Variants in CSPG4 observed in about 807,000 individuals in gnomAD.
The protein encoded by CSPG4 is chondroitin sulfate proteoglycan 4 (melanoma-associated).
Under a neutral mutation model 139.3 loss-of-function variants are expected in CSPG4, and 74 were observed. That is an observed-to-expected ratio of 0.53 (90% CI 0.44 to 0.64). The LOEUF is 0.64. Among genes scored for constraint, CSPG4 ranks in the 30% least tolerant of loss-of-function variants. CSPG4 has a pLI of 0.00. For missense variants in CSPG4, 2,565 were observed against 3,148.3 expected (o/e 0.81, Z 4.43); for synonymous variants, 1,234 against 1,394.2 (o/e 0.89, Z 2.56).
At chr15:75,710,734 C>T (rs1045075976) in intron 1 of CSPG4, among the ~76,000 whole-genome samples, 2 of 152,154 alleles carry the variant, frequency 1.3e-5, no homozygotes, top group African/African-American at 4.8e-5. Flanking sequence ...GGGAGGGACG[C>T]CTTCCTCAGG....
Position 75,698,019 on chromosome 15 carries a change from G to A in CSPG4, c.89-4786C>T, listed in dbSNP as rs967499735. On this transcript the variant is annotated intron_variant, in intron 1 of 9. Coordinates refer to ENST00000308508, the MANE Select transcript of CSPG4 (RefSeq NM_001897.5). The surrounding 1 kb of genome is among the most constrained non-coding windows in gnomAD (Gnocchi z 4.3). ...CAGACCAAGGCCTGAGGAAGGAGAC[G>A]GAGGAGGAAAACTCGAGGGAGACAG... is the stretch of plus-strand genomic sequence containing the variant. 2.0e-5 allele frequency among the ~76,000 whole-genome samples: 3 copies of A among 152,124 alleles called. No individual in the cohort carries two copies. Among genetic ancestry groups the A allele is most frequent in the East Asian group, 1.9e-4 (1 of 5,180 alleles).
chr15:75,685,523 G>A lies in CSPG4; in HGVS notation c.3968C>T (p.Ser1323Phe). 1.2e-6 allele frequency: 2 copies of A among 1,608,050 alleles called. No homozygotes were observed. Among genetic ancestry groups the A allele is most frequent in the South Asian group, 2.2e-5 (2 of 90,388 alleles). Residue 1323 changes from serine to phenylalanine, a missense_variant, in exon 4 of 10, where the codon TCC becomes TTC. Coordinates refer to ENST00000308508, the MANE Select transcript of CSPG4 (RefSeq NM_001897.5). Reference sequence around the variant, plus strand: ...GGCATCGCTCCAGGCCTCAGGGCGGGAGTGCAGGTACAGGACCCTGCCTGT... The same window carrying A: ...GGCATCGCTCCAGGCCTCAGGGCGGAAGTGCAGGTACAGGACCCTGCCTGT... ...VDTGRVLYLH[S>F]RPEAWSDAFS...
chr15:75,686,956 C>T (rs1894068198), intron 3 of CSPG4, among the ~76,000 whole-genome samples: 1 of 152,092 alleles, frequency 6.6e-6, no homozygotes, highest in South Asian at 2.1e-4. Context: ...GAACTGACTG[C>T]AATGGAGATT....
Position 75,690,674 on chromosome 15 carries a change from C to A in CSPG4, c.391G>T (p.Ala131Ser). ...GGGGCTCCTGGGACTGCTGAGGAGG[C>A]GTTCAGAAACCCATCGACTGACAAC... is the stretch of plus-strand genomic sequence containing the variant. ...ATLSVDGFLNASSAVPGAPLE... is the reference protein window; with the variant it reads ...ATLSVDGFLNSSSAVPGAPLE... Residue 131 changes from alanine to serine, a missense_variant, in exon 3 of 10, where the codon GCC (alanine) becomes TCC (serine). Transcript: ENST00000308508. 6.2e-7 allele frequency: 1 copy of A among 1,612,684 alleles called. No individual in the cohort carries two copies.
Position 75,675,765 on chromosome 15 carries a change from T to G in CSPG4, c.6754A>C (p.Thr2252Pro). The change falls in exon 10 of 10, where the codon ACG becomes CCG. Residue 2252 changes from threonine (T) to proline (P), a missense_variant. By Grantham distance (38) the Thr-to-Pro change is conservative. Transcript: ENST00000308508. ...LLFYLRKRNK[T>P]GKHDVQVLTA... ...AGGACCTGGACGTCATGCTTGCCCG[T>G]CTTGTTGCGTTTTCGGAGGTAGAAG... is the stretch of plus-strand genomic sequence containing the variant. 1 of 1,612,608 alleles carries G rather than the reference T, an allele frequency of 6.2e-7. No homozygotes were observed. Among genetic ancestry groups the G allele is most frequent in the Non-Finnish European group, 8.5e-7 (1 of 1,179,196 alleles).
In CSPG4 at chr15:75,682,338, C is replaced by T. The variant is rs145039359; in HGVS notation, c.4905G>A (p.Gln1635=). The change falls in exon 8 of 10, where the codon CAG becomes CAA. Residue 1635 remains glutamine, a synonymous_variant. Coordinates refer to ENST00000308508, the MANE Select transcript of CSPG4 (RefSeq NM_001897.5). ...GPQLGRLFHA[Q]QDSTGEALVN... ...CCAGGGCCTCCCCTGTGCTGTCCTG[C>T]TGGGCGTGGAACAGCCGGCCTAGCT... 4 of 1,596,646 alleles carry T rather than the reference C, an allele frequency of 2.5e-6. No individual in the cohort carries two copies. The highest frequency in any genetic ancestry group is 3.4e-6 in the Non-Finnish European group (4 of 1,179,950).
At chr15:75,677,932 TTG>T (rs778787391) in intron 8 of CSPG4, 46 bp from the exon 9 acceptor site, 1 of 1,538,416 alleles carries the variant, frequency 6.5e-7, no homozygotes, top group South Asian at 1.2e-5. Flanking sequence ...CCAGCCTGTG[TTG>T]TCCAGACACT....
rs781364010 is a variant in CSPG4, at chr15:75,682,677, G to T, written c.4713C>A (p.Phe1571Leu). The T allele has an allele frequency of 6.8e-6, 11 of 1,613,124 alleles. No homozygotes were observed. Among genetic ancestry groups the T allele is most frequent in the Non-Finnish European group, 9.3e-6 (11 of 1,180,024 alleles). Residue 1571 changes from phenylalanine to leucine, a missense_variant, in exon 7 of 10, where the codon TTC becomes TTA. This residue lies in a region of CSPG4 where 2,316 missense variants were observed against 2,818.2 expected (regional missense o/e 0.82). Transcript: ENST00000308508. Reference sequence around the variant, plus strand: ...CTTGCTTCTGGGCCGTCACTCGGAAGAAGTGTCCGGGGGAAGTGTGCTCGC... The same window carrying T: ...CTTGCTTCTGGGCCGTCACTCGGAATAAGTGTCCGGGGGAAGTGTGCTCGC... ...SDGEHTSPGH[F>L]FRVTAQKQVL...
chr15:75,684,699 G>A (rs1393207321), intron 5 of CSPG4, 37 bp downstream of exon 5: 6 of 1,588,574 alleles, frequency 3.8e-6, no homozygotes, highest in Non-Finnish European at 4.3e-6. Flanking sequence ...CCTCTTTCTC[G>A]AAGCAGACAT....
At chr15:75,693,300 G>C in intron 1 of CSPG4, 67 bp from the exon 2 acceptor site, 1 of 1,339,790 alleles carries the variant, frequency 7.5e-7, no homozygotes, top group East Asian at 2.5e-5. Context: ...GTGCCGCAAA[G>C]AGGGACGGGT....
chr15:75,687,424 G>A lies in CSPG4; in HGVS notation c.3641C>T (p.Ser1214Phe). 1 of 1,612,792 alleles carries A rather than the reference G, an allele frequency of 6.2e-7. No individual in the cohort carries two copies. The highest frequency in any genetic ancestry group is 8.5e-7 in the Non-Finnish European group (1 of 1,179,816). The change falls in exon 3 of 10, where the codon TCC becomes TTC. Residue 1214 changes from serine to phenylalanine, a missense_variant. Around this residue, in one of 5 missense-constraint regions of CSPG4, gnomAD observed 2,316 missense variants for 2,818.2 expected, o/e 0.82. Transcript: ENST00000308508. This position sits in a 1 kb window ranked among gnomAD's most constrained non-coding sequence, Gnocchi z 5.4. ...CGTGTGCACTGGCCCTGCTTCCACG[G>A]AGAAGGCCATGGTGTCGCGGGGGCT... ...SLSPRDTMAF[S>F]VEAGPVHTDA...
Position 75,693,121 on chromosome 15 carries a change from T to C in CSPG4, c.201A>G (p.Ala67=), listed in dbSNP as rs779126169. The C allele has an allele frequency of 3.8e-6, 6 of 1,562,096 alleles. No individual in the cohort carries two copies. The highest frequency in any genetic ancestry group is 5.2e-6 in the Non-Finnish European group (6 of 1,149,114). The change falls in exon 2 of 10, where the codon GCA becomes GCG. Residue 67 remains alanine, a synonymous_variant. Transcript: ENST00000308508. ...GCAGGAGGTGGTCAGCTGGGCCTGC[T>C]GCCAGGAGAAGGAGGGCTTCGGGCT... The part of the protein sequence containing the change: ...TSQPEALLLL[A]AGPADHLLLQ...
rs1189017344 is a variant in CSPG4, at chr15:75,709,922, G to A, written c.88+2746C>T. On this transcript the variant is annotated intron_variant, in intron 1 of 9. Coordinates refer to ENST00000308508, the MANE Select transcript of CSPG4 (RefSeq NM_001897.5). ...AGTTTTTCTCGAGTCCGGGTGGGCT[G>A]GGCCAAGGGCTCTGGCCCCTGGGCC... Among the ~76,000 whole-genome samples, 12 of 151,882 alleles carry A rather than the reference G, an allele frequency of 7.9e-5. No homozygotes were observed. The East Asian group carries it at 2.3e-3, about 30-fold the overall frequency.
rs949495763 is a variant in CSPG4 at position 75,677,051 on chromosome 15, A to T, written c.5468T>A (p.Ile1823Asn). The stretch of plus-strand genomic sequence containing the variant: ...CCGCTCATTTACATCCCTCACCGTG[A>T]TGGCAAAGGCCTCTGAGGTTTGGGG... ...AGPQTSEAFA[I>N]TVRDVNERPP... Residue 1823 changes from isoleucine (I) to asparagine (N), a missense_variant, in exon 10 of 10, where the codon ATC becomes AAC. This residue lies in a region of CSPG4 where 2,316 missense variants were observed against 2,818.2 expected (regional missense o/e 0.82). Transcript: ENST00000308508. The T allele has an allele frequency of 2.1e-6, 3 of 1,421,846 alleles. No individual in the cohort carries two copies. The highest frequency in any genetic ancestry group is 2.8e-6 in the Non-Finnish European group (3 of 1,081,306). The allele number at this position is 1,421,846 out of a possible 1,614,324, so 88.1% of individuals were successfully genotyped here.
chr15:75,674,510 T>C lies in CSPG4; in HGVS notation c.*1040A>G, dbSNP rs1893861751. Reference sequence around the variant, plus strand: ...AAGTTCAGAGGCCTGCCTGGCCCTGTCCATCCCACTGGCTGAGGCCAGGCC... The same window carrying C: ...AAGTTCAGAGGCCTGCCTGGCCCTGCCCATCCCACTGGCTGAGGCCAGGCC... On this transcript the variant is annotated 3_prime_UTR_variant, in exon 10 of 10. Transcript: ENST00000308508. 1 of 382,922 alleles carries C rather than the reference T, an allele frequency of 2.6e-6. No individual in the cohort carries two copies. The highest frequency in any genetic ancestry group is 4.6e-6 in the Non-Finnish European group (1 of 216,334). The allele number at this position is 382,922 out of a possible 1,614,324, so 23.7% of individuals were successfully genotyped here. A position where few individuals can be genotyped will look rare whatever the true frequency, so the allele number is the denominator to read the frequency against.
At chr15:75,710,560 T>C (rs1427068848) in intron 1 of CSPG4, among the ~76,000 whole-genome samples, 6 of 152,118 alleles carry the variant, frequency 3.9e-5, no homozygotes. Flanking sequence ...TTTCCCTCTC[T>C]ATACAAGTGG....
At position 75,690,538 on chromosome 15, in the gene CSPG4, T is replaced by C. The variant is rs148320398; in HGVS notation, c.527A>G (p.Asn176Ser). The change falls in exon 3 of 10, where the codon AAT (asparagine) becomes AGT (serine). Residue 176 changes from asparagine (N) to serine (S), a missense_variant. By Grantham distance (46) the Asn-to-Ser change is conservative (BLOSUM62 1). Coordinates refer to ENST00000308508, the MANE Select transcript of CSPG4 (RefSeq NM_001897.5). Reference sequence around the variant, plus strand: ...CAGAGGCCGGAGGAGGCTGCGGCCATTGAGGGTGGCTGCATGGAGGCAACC... The same window carrying C: ...CAGAGGCCGGAGGAGGCTGCGGCCACTGAGGGTGGCTGCATGGAGGCAACC... The part of the protein sequence containing the change: ...LRGCLHAATL[N>S]GRSLLRPLTP... 3.0e-5 allele frequency: 48 copies of C among 1,609,676 alleles called. No individual in the cohort carries two copies. The African/African-American group carries it at 5.7e-4, about 19-fold the overall frequency.
At position 75,687,695 on chromosome 15, in the gene CSPG4, C is replaced by T; in HGVS notation, c.3370G>A (p.Glu1124Lys). The T allele has an allele frequency of 6.2e-7, 1 of 1,612,896 alleles. No homozygotes were observed. Among genetic ancestry groups the T allele is most frequent in the African/African-American group, 1.3e-5 (1 of 75,054 alleles). ...CCGTTGGCCACACGGAGGTAGGGTT[C>T]CGAGGCCTGCACCTCCAGCAGCGCA... ...ATALLEVQASEPYLRVANGSS... is the reference protein window; with the variant it reads ...ATALLEVQASKPYLRVANGSS... Residue 1124 changes from glutamate to lysine, a missense_variant, in exon 3 of 10, where the codon GAA becomes AAA. Transcript: ENST00000308508. This position sits in a 1 kb window ranked among gnomAD's most constrained non-coding sequence, Gnocchi z 5.4.
intron 2 of CSPG4, 96 bp downstream of exon 2, chr15:75,692,974 C>G: frequency 3.2e-6 from 2 of 631,330 alleles, no homozygotes; most frequent in East Asian, 2.8e-5. Flanking sequence ...ATAAAAGTGA[C>G]TTACACAAGG....
Sources: allele counts gnomAD v4.1 joint callset (sites outside exome capture counted in the v4.1 genomes callset), GRCh38; gene constraint gnomAD v4.1.1; regional missense constraint gnomAD v4.1.1; non-coding constraint Gnocchi (gnomAD v3.1); transcripts MANE v1.5; gene names NCBI Gene and HGNC (gene_info 2026-07-23, HGNC 2026-07-21).